The following FHL1 variants were observed in gnomAD, a reference collection of about 807,000 sequenced individuals.
FHL1 encodes four and a half LIM domains 1.
FHL1 carries 1 observed loss-of-function variant against 20.3 expected under a neutral mutation model. That is an observed-to-expected ratio of 0.05 (90% confidence interval 0.02 to 0.23). The LOEUF (loss-of-function observed/expected upper bound fraction) is 0.23, where lower values mean the gene tolerates loss of function less well. Ranked by LOEUF, FHL1 falls within the 10% of genes least tolerant of loss-of-function variation. FHL1 has a pLI of 1.00. For missense variants in FHL1, 177 were observed against 234.0 expected (o/e 0.76, Z 1.59); for synonymous variants, 82 against 88.9 (o/e 0.92, Z 0.44).
At chrX:136,166,892 A>C (rs778617941), upstream of FHL1, 26 of 112,554 alleles carry the variant, frequency 2.3e-4, no homozygotes, top group African/African-American at 7.7e-4. Context: ...TGGGGGAGGC[A>C]CTGCTAAATG....
chrX:136,168,672 G>A (rs774706992), upstream of FHL1, among the ~76,000 whole-genome samples: 1 of 111,779 alleles, frequency 8.9e-6, no homozygotes, highest in Non-Finnish European at 1.9e-5. Context: ...TCCATTTTGA[G>A]TTGGGAAGCA....
intron 2 of FHL1, among the ~76,000 whole-genome samples, chrX:136,189,130 C>G (rs1347305550): frequency 2.7e-5 from 3 of 111,954 alleles, no homozygotes; most frequent in Admixed American, 9.5e-5. Context: ...TTTATTGACT[C>G]TAGCCAGAAA....
In FHL1 at chrX:136,156,704, C is replaced by T. The variant is rs778511415; in HGVS notation, c.-101+9076C>T. The stretch of plus-strand genomic sequence containing the variant: ...TTGTTTTGACAAGGATGGCACAAAA[C>T]TAAATTTCTATACTTGATTAATTTA... On this transcript the variant is annotated intron_variant, in intron 1 of 7. Coordinates refer to the FHL1 transcript ENST00000394155. 3.3e-3 allele frequency among the ~76,000 whole-genome samples: 375 copies of T among 112,128 alleles called. 2 individuals are homozygous for T. The highest frequency in any genetic ancestry group is 0.011 in the African/African-American group (350 of 30,863).
intron 1 of FHL1, among the ~76,000 whole-genome samples, chrX:136,163,171 A>G (rs972730719): frequency 8.9e-6 from 1 of 112,387 alleles, no homozygotes; most frequent in African/African-American, 3.2e-5. Flanking sequence ...AAGATTCAAC[A>G]CCTGAATCTT....
chrX:136,155,429 C>T (rs1250229519), intron 1 of FHL1, among the ~76,000 whole-genome samples: 2 of 112,212 alleles, frequency 1.8e-5, no homozygotes, highest in African/African-American at 3.2e-5. Flanking sequence ...GCTATGTATA[C>T]ATGTAAACTT....
intron 1 of FHL1, among the ~76,000 whole-genome samples, chrX:136,157,022 C>T (rs1392669181): frequency 9.1e-6 from 1 of 110,022 alleles, no homozygotes; most frequent in Non-Finnish European, 1.9e-5. Context: ...CACACATAGG[C>T]AGACCTGCAA....
intron 1 of FHL1, among the ~76,000 whole-genome samples, chrX:136,205,934 C>T: frequency 9.0e-6 from 1 of 111,209 alleles, no homozygotes; most frequent in East Asian, 2.9e-4. Flanking sequence ...GAGCCTCTGC[C>T]CCACACTCTT....
intron 2 of FHL1, among the ~76,000 whole-genome samples, chrX:136,185,493 G>A (rs2300915): frequency 0.41 from 45,176 of 110,476 alleles, 6,770 homozygotes; most frequent in Non-Finnish European, 0.46. Context: ...TCTGAAGTCC[G>A]AAGTTAGTTT....
At position 136,208,089 on chromosome X, in the gene FHL1, C is replaced by G. The variant is rs976651578; in HGVS notation, c.549+128C>G. The G allele has an allele frequency of 1.3e-5, 11 of 871,707 alleles. No homozygotes were observed. The East Asian group carries it at 3.5e-4, about 28-fold the overall frequency. The allele number at this position is 871,707 out of a possible 1,213,427, so 71.8% of individuals were successfully genotyped here. A position where few individuals can be genotyped will look rare whatever the true frequency, so the allele number is the denominator to read the frequency against. On this transcript the variant is annotated intron_variant, in intron 4 of 5. Coordinates refer to ENST00000370683, the MANE Select transcript of FHL1 (RefSeq NM_001159699.2). ...CCCTGTGACGTAGGAATTATTATTC[C>G]CGTTTTACAGATGAGGAGATCGTGG... is the stretch of plus-strand genomic sequence containing the variant.
chrX:136,149,580 A>G (rs1470916021), intron 1 of FHL1, among the ~76,000 whole-genome samples: 17 of 112,087 alleles, frequency 1.5e-4, no homozygotes, highest in Non-Finnish European at 2.8e-4. Flanking sequence ...GTAACCATAT[A>G]TGGTTTTTGA....
At chrX:136,181,348 TA>T (rs2073154374) in intron 2 of FHL1, among the ~76,000 whole-genome samples, 1 of 111,581 alleles carries the variant, frequency 9.0e-6, no homozygotes, top group Non-Finnish European at 1.9e-5. Flanking sequence ...GAAACGACCA[TA>T]AAAGGAGAGA....
intron 2 of FHL1, among the ~76,000 whole-genome samples, chrX:136,171,870 T>A (rs941780373): frequency 1.9e-4 from 17 of 89,232 alleles, no homozygotes; most frequent in African/African-American, 6.0e-4. Flanking sequence ...TTTATTTTTT[T>A]AAATTTTTTA....
intron 1 of FHL1, among the ~76,000 whole-genome samples, chrX:136,162,109 A>G (rs2072583187): frequency 1.2e-5 from 1 of 83,283 alleles, no homozygotes; most frequent in Non-Finnish European, 2.4e-5. Context: ...GGCGACAGAG[A>G]GAGACCCTGT....
chrX:136,190,206 C>T (rs766417593), intron 2 of FHL1, among the ~76,000 whole-genome samples: 1 of 111,738 alleles, frequency 8.9e-6, no homozygotes, highest in South Asian at 3.8e-4. Context: ...TAGCTGCAGA[C>T]TCTCCTTGCG....
At chrX:136,206,283 C>T in intron 1 of FHL1, 124 bp from the exon 2 acceptor site, 1 of 839,994 alleles carries the variant, frequency 1.2e-6, no homozygotes, top group East Asian at 3.1e-5. Context: ...GAAGGGGAAG[C>T]TGGGTCTTGG....
chrX:136,198,876 C>T, intron 1 of FHL1, among the ~76,000 whole-genome samples: 1 of 111,814 alleles, frequency 8.9e-6, no homozygotes, highest in Middle Eastern at 4.7e-3. Flanking sequence ...ATTCCCTTCA[C>T]CAGCTGCTGC....
intron 2 of FHL1, among the ~76,000 whole-genome samples, chrX:136,188,023 C>T (rs1040331680): frequency 2.7e-5 from 3 of 111,382 alleles, no homozygotes; most frequent in African/African-American, 9.8e-5. Context: ...AAGTCATGAA[C>T]ATGGAAACTT....
intron 1 of FHL1, among the ~76,000 whole-genome samples, chrX:136,203,526 C>T (rs892687044): frequency 2.7e-5 from 3 of 112,118 alleles, no homozygotes; most frequent in Non-Finnish European, 5.6e-5. Flanking sequence ...AGGAATGATA[C>T]AGTGGCCAGT....
At chrX:136,174,064 TCTC>T (rs1205829020) in intron 2 of FHL1, among the ~76,000 whole-genome samples, 6 of 111,698 alleles carry the variant, frequency 5.4e-5, no homozygotes, top group Non-Finnish European at 7.5e-5. Flanking sequence ...GTATCTGTAA[TCTC>T]CTTGACACTA....
Sources: gnomAD v4.1 joint callset for allele counts (sites outside exome capture counted in the v4.1 genomes callset) on GRCh38, gnomAD v4.1.1 for gene constraint, MANE v1.5 for transcripts, NCBI Gene and HGNC (gene_info 2026-07-23, HGNC 2026-07-21) for gene names.